CTNNA2: variants seen among roughly 807,000 people sequenced by gnomAD.
CTNNA2 encodes the protein catenin alpha 2, also known as catenin alpha-2.
CTNNA2 carries 42 observed loss-of-function variants against 101.0 expected under a neutral mutation model. The ratio of observed to expected loss-of-function variants is 0.42; its 90% CI spans 0.32 to 0.54. CTNNA2 has a LOEUF of 0.54. CTNNA2 is among the 20% of genes least tolerant of loss of function. The pLI, the probability that CTNNA2 is intolerant of heterozygous loss-of-function variation, is 0.14. For missense variants in CTNNA2, 871 were observed against 1,223.1 expected, an observed-to-expected ratio of 0.71 and a Z score of 4.29; for synonymous variants, 450 against 456.4, an observed-to-expected ratio of 0.99 and a Z score of 0.18.
intron 7 of CTNNA2, among the ~76,000 whole-genome samples, chr2:80,038,806 G>A (rs1695839970): frequency 6.6e-6 from 1 of 152,118 alleles, no homozygotes; most frequent in Admixed American, 6.5e-5. Flanking sequence ...CTGAGATTGT[G>A]CCACTGCACT....
At chr2:79,290,186 A>T (rs1242958113) in intron 2 of CTNNA2, among the ~76,000 whole-genome samples, 1 of 152,222 alleles carries the variant, frequency 6.6e-6, no homozygotes, top group Non-Finnish European at 1.5e-5. Context: ...AACCAAAAAA[A>T]TCTATGTTTA....
In CTNNA2 at chr2:79,619,502, A is replaced by C. The variant is rs989649299; in HGVS notation, c.-5-32050A>C. Among the ~76,000 whole-genome samples the C allele has an allele frequency of 2.0e-5, 3 of 152,188 alleles. No homozygotes were observed. In the South Asian group the frequency reaches 6.2e-4, roughly 31 times the overall value. ...TTTATTTTATATTTCTAATTTTATT[A>C]CTTTGCTATTTTTGAAACGGTGATT... On this transcript the variant is annotated intron_variant, in intron 1 of 18. Coordinates refer to ENST00000402739, the MANE Select transcript of CTNNA2 (RefSeq NM_001282597.3).
chr2:79,381,577 T>C (rs1395058023), intron 4 of CTNNA2, among the ~76,000 whole-genome samples: 2 of 152,220 alleles, frequency 1.3e-5, no homozygotes, highest in African/African-American at 4.8e-5. Context: ...TGCTCATGCA[T>C]TGGTATAGAT....
chr2:80,298,195 T>C (rs1256244591), intron 7 of CTNNA2: 2 of 152,094 alleles, frequency 1.3e-5, no homozygotes, highest in East Asian at 3.9e-4. Flanking sequence ...ATTCTAAACC[T>C]ATCTCAAAAT....
intron 4 of CTNNA2, among the ~76,000 whole-genome samples, chr2:79,422,629 A>C (rs1678551386): frequency 6.6e-6 from 1 of 152,216 alleles, no homozygotes; most frequent in African/African-American, 2.4e-5. Context: ...CCATTCCCAG[A>C]ATTTTTAAAT....
chr2:80,479,414 C>G (rs534915818), intron 9 of CTNNA2, among the ~76,000 whole-genome samples: 1 of 152,204 alleles, frequency 6.6e-6, no homozygotes, highest in East Asian at 1.9e-4. Flanking sequence ...CCTCCAGCAA[C>G]AGAGAATCAT....
At chr2:79,354,165 T>A (rs1157362417) in intron 3 of CTNNA2, among the ~76,000 whole-genome samples, 1 of 152,110 alleles carries the variant, frequency 6.6e-6, no homozygotes, top group Non-Finnish European at 1.5e-5. Context: ...GGGATGATTG[T>A]TTTTTATAGT....
intron 4 of CTNNA2, among the ~76,000 whole-genome samples, chr2:79,400,322 T>C (rs4374400): frequency 0.044 from 6,693 of 151,996 alleles, 489 homozygotes; most frequent in African/African-American, 0.15. Flanking sequence ...TTTTTAGGAA[T>C]AGAATGGGAG....
intron 7 of CTNNA2, among the ~76,000 whole-genome samples, chr2:79,994,303 T>C (rs539605245): frequency 3.3e-4 from 51 of 152,328 alleles, no homozygotes; most frequent in Middle Eastern, 3.4e-3. Context: ...GAACATTCAA[T>C]AAATGGCCTT....
intron 9 of CTNNA2, among the ~76,000 whole-genome samples, chr2:80,503,788 G>A (rs990572443): frequency 3.9e-5 from 6 of 152,032 alleles, no homozygotes; most frequent in African/African-American, 1.4e-4. Flanking sequence ...AGGGAAGCTG[G>A]AGAAAGAACC....
chr2:80,144,351 C>T (rs761268593), intron 7 of CTNNA2, among the ~76,000 whole-genome samples: 10 of 152,226 alleles, frequency 6.6e-5, no homozygotes, highest in Non-Finnish European at 1.3e-4. Flanking sequence ...AGCTATAGAA[C>T]TTGTGAGTTT....
chr2:79,396,359 A>G (rs1248854898), intron 4 of CTNNA2, among the ~76,000 whole-genome samples: 1 of 152,020 alleles, frequency 6.6e-6, no homozygotes, highest in East Asian at 1.9e-4. Context: ...GGATTTCACT[A>G]TGTTGGCCAA....
At chr2:80,505,332 C>G (rs551475601) in intron 9 of CTNNA2, among the ~76,000 whole-genome samples, 1 of 152,216 alleles carries the variant, frequency 6.6e-6, no homozygotes, top group African/African-American at 2.4e-5. Flanking sequence ...AAAGGCATTT[C>G]TCTTCTCACA....
intron 1 of CTNNA2, among the ~76,000 whole-genome samples, chr2:79,586,398 G>C (rs1339372862): frequency 6.6e-6 from 1 of 152,050 alleles, no homozygotes; most frequent in African/African-American, 2.4e-5. Flanking sequence ...TTCTCCGCTC[G>C]GCCTCTGGCA....
chr2:79,746,197 C>A (rs1375308787), intron 3 of CTNNA2, among the ~76,000 whole-genome samples: 2 of 152,092 alleles, frequency 1.3e-5, no homozygotes, highest in African/African-American at 4.8e-5. Context: ...AGGCATTTGA[C>A]TATTTTTTTC....
At chr2:80,348,994 G>A (rs983575831) in intron 7 of CTNNA2, among the ~76,000 whole-genome samples, 2 of 152,146 alleles carry the variant, frequency 1.3e-5, no homozygotes, top group African/African-American at 4.8e-5. Context: ...ATTTCAGATT[G>A]TATATTGCAG....
At chr2:79,491,813 A>C (rs560685854) in intron 4 of CTNNA2, among the ~76,000 whole-genome samples, 16 of 152,134 alleles carry the variant, frequency 1.1e-4, no homozygotes, top group Non-Finnish European at 2.2e-4. Context: ...CAACAGAAAT[A>C]TGTGTAAGAA....
intron 9 of CTNNA2, among the ~76,000 whole-genome samples, chr2:80,541,950 A>G (rs997017560): frequency 3.9e-5 from 5 of 129,762 alleles, no homozygotes; most frequent in African/African-American, 1.5e-4. Context: ...GTAATGAACC[A>G]TCATACACTG....
intron 6 of CTNNA2, 91 bp downstream of exon 6, chr2:79,874,433 T>G (rs1163451248): frequency 7.7e-6 from 11 of 1,425,668 alleles, no homozygotes; most frequent in African/African-American, 1.4e-5. Context: ...CTACAATAAT[T>G]TACATTGATT....
Sources: gnomAD v4.1 joint callset for allele counts (sites outside exome capture counted in the v4.1 genomes callset) on GRCh38, gnomAD v4.1.1 for gene constraint, MANE v1.5 for transcripts, NCBI Gene and HGNC (gene_info 2026-07-23, HGNC 2026-07-21) for gene names.